The following CCDC124 variants were observed in gnomAD, a reference collection of about 807,000 sequenced individuals.
CCDC124 encodes coiled-coil domain containing 124.
In CCDC124, 9 loss-of-function variants were observed where a neutral mutation model predicts 19.8. The observed-to-expected ratio is 0.45, with a 90% CI of 0.27 to 0.79. The LOEUF (loss-of-function observed/expected upper bound fraction) is 0.79. CCDC124 is among the 30% of genes least tolerant of loss of function. The pLI is 0.14. For synonymous variants in CCDC124, 126 were observed against 131.3 expected (o/e 0.96, Z 0.27); for missense variants, 285 against 319.0 (o/e 0.89, Z 0.81).
chr19:17,943,852 A>C lies in CCDC124; in HGVS notation c.*137A>C. On this transcript the variant is annotated 3_prime_UTR_variant, in exon 5 of 5. Transcript: ENST00000445755. The stretch of plus-strand genomic sequence containing the variant: ...CGGGCCCCGGGGCCATGCTCTTATC[A>C]CCAGCCACCCGTCCTCCCGCCAGAG... The C allele has an allele frequency of 1.3e-6, 1 of 794,440 alleles. No individual in the cohort carries two copies. The highest frequency in any genetic ancestry group is 2.0e-6 in the Non-Finnish European group (1 of 500,606). The allele number at this position is 794,440 out of a possible 1,614,324, so 49.2% of individuals were successfully genotyped here.
chr19:17,941,063 G>C (rs1189285239), intron 2 of CCDC124, among the ~76,000 whole-genome samples: 2 of 151,670 alleles, frequency 1.3e-5, no homozygotes, highest in Admixed American at 6.6e-5. Context: ...ACAAACGAAC[G>C]AAAAAAACAC....
rs2031239686 is a variant in CCDC124, at chr19:17,943,523, G to A, written c.480G>A (p.Ala160=). The change falls in exon 5 of 5, where the codon GCG becomes GCA. Residue 160 remains alanine, a synonymous_variant. Coordinates refer to ENST00000445755, the MANE Select transcript of CCDC124 (RefSeq NM_001136203.2). ...CCACCCCCAGCGTGGCGGAGGAGGC[G>A]GCCGACCGGCACCCAGAAAGACGCA... The part of the protein sequence containing the change: ...AIAVLSVAEE[A]ADRHPERRMR... 6.2e-7 allele frequency: 1 copy of A among 1,611,348 alleles called. No homozygotes were observed.
chr19:17,942,543 A>C lies in CCDC124; in HGVS notation c.160-113A>C. The C allele has an allele frequency of 8.1e-7, 1 of 1,232,934 alleles. No individual in the cohort carries two copies. The highest frequency in any genetic ancestry group is 1.1e-6 in the Non-Finnish European group (1 of 881,438). 76.4% of individuals were successfully genotyped at this position (1,232,934 alleles called of 1,614,324 possible). ...ATCTTGTTCCTGGTATGTCCCCTGC[A>C]CCCAGCACAGAGCCTAAATCCTCGT... On this transcript the variant is annotated intron_variant, in intron 2 of 4. Coordinates refer to ENST00000445755, the MANE Select transcript of CCDC124 (RefSeq NM_001136203.2). This position sits in a 1 kb window ranked among gnomAD's most constrained non-coding sequence, Gnocchi z 4.2.
chr19:17,937,685 T>C (rs2031094479), intron 2 of CCDC124, among the ~76,000 whole-genome samples: 1 of 152,022 alleles, frequency 6.6e-6, no homozygotes, highest in African/African-American at 2.4e-5. Flanking sequence ...CAGGCCCCCA[T>C]TTCCAACCTG....
At chr19:17,939,123 G>A (rs12710311) in intron 2 of CCDC124, among the ~76,000 whole-genome samples, 26,689 of 152,066 alleles carry the variant, frequency 0.18, 2,638 homozygotes, top group Non-Finnish European at 0.22. Context: ...ATCCGGGTGC[G>A]GTGGCTCACG....
chr19:17,936,274 C>T (rs2031059982), intron 1 of CCDC124, 136 bp from the exon 2 acceptor site: 1 of 716,892 alleles, frequency 1.4e-6, no homozygotes, highest in Non-Finnish European at 2.3e-6. Flanking sequence ...AGCGCTAAGT[C>T]CAAAGCCCTT....
intron 2 of CCDC124, among the ~76,000 whole-genome samples, chr19:17,940,834 T>A (rs1029795490): frequency 6.8e-6 from 1 of 146,428 alleles, no homozygotes; most frequent in Non-Finnish European, 1.5e-5. Context: ...GATCACAAGG[T>A]CAGGAGATCG....
chr19:17,938,219 G>A (rs1018979238), intron 2 of CCDC124, among the ~76,000 whole-genome samples: 2 of 151,866 alleles, frequency 1.3e-5, no homozygotes, highest in African/African-American at 4.8e-5. Flanking sequence ...GTGTGCCTGT[G>A]GTCCCAGCTA....
At chr19:17,940,239 CA>C (rs1176781004) in intron 2 of CCDC124, among the ~76,000 whole-genome samples, 1 of 152,052 alleles carries the variant, frequency 6.6e-6, no homozygotes, top group Non-Finnish European at 1.5e-5. Context: ...TAAGGGACAG[CA>C]AAGCATGCCT....
Position 17,942,173 on chromosome 19 carries a change from G to T in CCDC124, c.160-483G>T, listed in dbSNP as rs75694033. 6.6e-6 allele frequency among the ~76,000 whole-genome samples: 1 copy of T among 152,136 alleles called. No homozygotes were observed. Among genetic ancestry groups the T allele is most frequent in the African/African-American group, 2.4e-5 (1 of 41,414 alleles). On this transcript the variant is annotated intron_variant, in intron 2 of 4. Transcript: ENST00000445755. This position sits in a 1 kb window ranked among gnomAD's most constrained non-coding sequence, Gnocchi z 4.2. The stretch of plus-strand genomic sequence containing the variant: ...TCATAAGGGCAGAGCCCCTGCCCTA[G>T]CCTGAAACGGGTCCAGGCCTCCCAC...
At chr19:17,943,464 C>A (rs368177324) in intron 4 of CCDC124, 44 bp from the exon 5 acceptor site, 2 of 1,592,200 alleles carry the variant, frequency 1.3e-6, no homozygotes, top group Admixed American at 1.7e-5. Flanking sequence ...CTTTTCGGGG[C>A]AAGGCTGCGC....
rs2031216779 is a variant in CCDC124 at position 17,942,848 on chromosome 19, C to T, written c.349+3C>T. 6.7e-7 allele frequency: 1 copy of T among 1,498,084 alleles called. No individual in the cohort carries two copies. The highest frequency in any genetic ancestry group is 8.9e-7 in the Non-Finnish European group (1 of 1,123,674). The allele number at this position is 1,498,084 out of a possible 1,614,324, so 92.8% of individuals were successfully genotyped here. A position where few individuals can be genotyped will look rare whatever the true frequency, so the allele number is the denominator to read the frequency against. ...GCTCAGGGAGGCCCCGGACACAGGTCGGGCGGCATCCCGCTCTGGAGCTGC... is the reference window on the plus strand; with the variant it reads ...GCTCAGGGAGGCCCCGGACACAGGTTGGGCGGCATCCCGCTCTGGAGCTGC... On this transcript the variant is annotated splice_donor_region_variant and intron_variant, in intron 3 of 4. Coordinates refer to ENST00000445755, the MANE Select transcript of CCDC124 (RefSeq NM_001136203.2). This position sits in a 1 kb window ranked among gnomAD's most constrained non-coding sequence, Gnocchi z 4.2.
Position 17,942,759 on chromosome 19 carries a change from G to C in CCDC124, c.263G>C (p.Arg88Pro). ...DSKLKGGKAP[R>P]VATSSKVTRA... ...AAGCTCAAGGGCGGCAAGGCGCCGC[G>C]GGTGGCCACGTCCAGCAAGGTCACC... Residue 88 changes from arginine to proline, a missense_variant, in exon 3 of 5, where the codon CGG becomes CCG. Coordinates refer to ENST00000445755, the MANE Select transcript of CCDC124 (RefSeq NM_001136203.2). This position sits in a 1 kb window ranked among gnomAD's most constrained non-coding sequence, Gnocchi z 4.2. 3 of 1,548,592 alleles carry C rather than the reference G, an allele frequency of 1.9e-6. No individual in the cohort carries two copies. Among genetic ancestry groups the C allele is most frequent in the Non-Finnish European group, 2.6e-6 (3 of 1,146,664 alleles).
intron 2 of CCDC124, among the ~76,000 whole-genome samples, chr19:17,941,012 A>C (rs1181336733): frequency 2.0e-5 from 3 of 152,080 alleles, no homozygotes; most frequent in Middle Eastern, 3.4e-3. Context: ...GCGCCACTGC[A>C]CTCCATCCTG....
At chr19:17,937,796 C>A (rs529095870) in intron 2 of CCDC124, among the ~76,000 whole-genome samples, 1 of 152,166 alleles carries the variant, frequency 6.6e-6, no homozygotes. Flanking sequence ...TGCAATGGCG[C>A]GATCTCAGTT....
At chr19:17,936,304 A>C in intron 1 of CCDC124, 106 bp from the exon 2 acceptor site, 3 of 939,922 alleles carry the variant, frequency 3.2e-6, no homozygotes, top group Non-Finnish European at 4.7e-6. Flanking sequence ...AGAGAAGGCC[A>C]CAGAGGCCCC....
At position 17,943,241 on chromosome 19, in the gene CCDC124, T is replaced by TCGGGGGGGGGGGG; in HGVS notation, c.350-19_350-18insGGGGGGGGGGGGC. ...CTTTGCTTATCTCTCTCTGTCTCTG[T>TCGGGGGGGGGGGG]CACCCACCCACCCGCCCAGCCGAGA... On this transcript the variant is annotated intron_variant, in intron 3 of 4. Coordinates refer to ENST00000445755, the MANE Select transcript of CCDC124 (RefSeq NM_001136203.2). 1 of 736,678 alleles carries TCGGGGGGGGGGGG rather than the reference T, an allele frequency of 1.4e-6. No individual in the cohort carries two copies. The highest frequency in any genetic ancestry group is 2.4e-6 in the Non-Finnish European group (1 of 414,970). 45.6% of individuals were successfully genotyped at this position (736,678 alleles called of 1,614,324 possible).
intron 1 of CCDC124, among the ~76,000 whole-genome samples, chr19:17,934,079 T>A (rs2031006647): frequency 6.7e-6 from 1 of 148,976 alleles, no homozygotes; most frequent in South Asian, 2.1e-4. Flanking sequence ...ATCCAGGCAC[T>A]TTGAGAGGCC....
rs373217686 is a variant in CCDC124, at chr19:17,942,426, A to G, written c.160-230A>G. Among the ~76,000 whole-genome samples, 5 of 152,268 alleles carry G rather than the reference A, an allele frequency of 3.3e-5. No homozygotes were observed. Among genetic ancestry groups the G allele is most frequent in the Admixed American group, 1.3e-4 (2 of 15,290 alleles). ...CCCTTGGCCGGCGCTCTTCGCACCT[A>G]GGAGCGTCACTTCTTCAAGAGCCAC... On this transcript the variant is annotated intron_variant, in intron 2 of 4. Coordinates refer to ENST00000445755, the MANE Select transcript of CCDC124 (RefSeq NM_001136203.2). This position sits in a 1 kb window ranked among gnomAD's most constrained non-coding sequence, Gnocchi z 4.2.
Sources: gnomAD v4.1 joint callset for allele counts (sites outside exome capture counted in the v4.1 genomes callset) on GRCh38, gnomAD v4.1.1 for gene constraint, Gnocchi (gnomAD v3.1) non-coding constraint, MANE v1.5 for transcripts, NCBI Gene and HGNC (gene_info 2026-07-23, HGNC 2026-07-21) for gene names.